SGMS1: variants seen among roughly 807,000 people sequenced by gnomAD.
The protein encoded by SGMS1 is phosphatidylcholine:ceramide cholinephosphotransferase 1.
In SGMS1, 13 loss-of-function variants were observed where a neutral mutation model predicts 46.2. The observed-to-expected ratio is 0.28, with a 90% CI of 0.18 to 0.45. The LOEUF (loss-of-function observed/expected upper bound fraction) is 0.45, where lower values mean the gene tolerates loss of function less well. Ranked by LOEUF, SGMS1 falls within the 20% of genes least tolerant of loss-of-function variation. The pLI is 1.00. For missense variants in SGMS1, 324 were observed against 519.9 expected, an observed-to-expected ratio of 0.62 and a Z score of 3.66; for synonymous variants, 203 against 187.8, an observed-to-expected ratio of 1.08 and a Z score of -0.66.
At chr10:50,555,182 A>G (rs1229126304) in intron 2 of SGMS1, among the ~76,000 whole-genome samples, 1 of 152,256 alleles carries the variant, frequency 6.6e-6, no homozygotes, top group Non-Finnish European at 1.5e-5. Context: ...AGACAAAATT[A>G]TCTTGGAACA....
intron 2 of SGMS1, among the ~76,000 whole-genome samples, chr10:50,554,467 T>C (rs1588875431): frequency 2.0e-5 from 3 of 152,252 alleles, no homozygotes; most frequent in Non-Finnish European, 4.4e-5. Flanking sequence ...CAAATGTCAA[T>C]GGAGCCAGGC....
chr10:50,575,046 C>T (rs984343966), intron 2 of SGMS1, among the ~76,000 whole-genome samples: 35 of 143,780 alleles, frequency 2.4e-4, no homozygotes, highest in African/African-American at 7.0e-4. Context: ...ACAACATAGA[C>T]GTGGAAGACG....
intron 3 of SGMS1, among the ~76,000 whole-genome samples, chr10:50,480,710 C>T (rs1335613914): frequency 6.6e-6 from 1 of 152,158 alleles, no homozygotes; most frequent in Non-Finnish European, 1.5e-5. Flanking sequence ...CTTTCAGTGG[C>T]CTCTTGGTTT....
intron 6 of SGMS1, among the ~76,000 whole-genome samples, chr10:50,371,297 C>A (rs1848432721): frequency 6.6e-6 from 1 of 152,156 alleles, no homozygotes; most frequent in African/African-American, 2.4e-5. Flanking sequence ...CCATTGTAAC[C>A]ACCATGGTTC....
At chr10:50,472,444 T>C (rs1048899517) in intron 3 of SGMS1, among the ~76,000 whole-genome samples, 2 of 152,196 alleles carry the variant, frequency 1.3e-5, no homozygotes, top group African/African-American at 4.8e-5. Context: ...GATCATGCAG[T>C]AACATAATGT....
chr10:50,515,331 T>C (rs1837791588), intron 3 of SGMS1, among the ~76,000 whole-genome samples: 1 of 152,186 alleles, frequency 6.6e-6, no homozygotes, highest in Admixed American at 6.5e-5. Context: ...GACAGCACTC[T>C]TGGGCTGTGT....
intron 8 of SGMS1, among the ~76,000 whole-genome samples, chr10:50,321,277 A>G (rs1218768515): frequency 6.6e-6 from 1 of 152,242 alleles, no homozygotes; most frequent in Non-Finnish European, 1.5e-5. Context: ...TGCATACATA[A>G]GGAACTAATA....
At chr10:50,510,727 A>G (rs1024979609) in intron 3 of SGMS1, among the ~76,000 whole-genome samples, 4 of 152,074 alleles carry the variant, frequency 2.6e-5, no homozygotes, top group Non-Finnish European at 4.4e-5. Context: ...CGTAATAACT[A>G]TACAATTATC....
chr10:50,399,561 AG>A (rs1463192604), intron 6 of SGMS1, among the ~76,000 whole-genome samples: 6 of 152,238 alleles, frequency 3.9e-5, no homozygotes, highest in Non-Finnish European at 7.3e-5. Context: ...AGTGAGAAAA[AG>A]TGCTTAGCAG....
chr10:50,497,111 G>C (rs1185251887), intron 3 of SGMS1, among the ~76,000 whole-genome samples: 4 of 152,134 alleles, frequency 2.6e-5, no homozygotes, highest in African/African-American at 9.7e-5. Context: ...CAGAAGGCTC[G>C]ATGCAAACCT....
chr10:50,498,374 T>C (rs1837634101), intron 3 of SGMS1, among the ~76,000 whole-genome samples: 2 of 152,254 alleles, frequency 1.3e-5, no homozygotes, highest in Non-Finnish European at 2.9e-5. Context: ...TATAGTTTTA[T>C]GGCTTTAAGT....
At chr10:50,476,739 A>G (rs1000577940) in intron 3 of SGMS1, among the ~76,000 whole-genome samples, 4 of 152,184 alleles carry the variant, frequency 2.6e-5, no homozygotes, top group Non-Finnish European at 5.9e-5. Flanking sequence ...AGCTCTAGCC[A>G]TGACTAAAAA....
intron 2 of SGMS1, among the ~76,000 whole-genome samples, chr10:50,528,534 C>T (rs904887786): frequency 6.6e-6 from 1 of 152,176 alleles, no homozygotes; most frequent in African/African-American, 2.4e-5. Context: ...ATTTCCTTGG[C>T]ACCAATCAGA....
chr10:50,424,768 CGGGCATAGT>C (rs912089311), intron 6 of SGMS1, among the ~76,000 whole-genome samples: 1 of 152,008 alleles, frequency 6.6e-6, no homozygotes, highest in African/African-American at 2.4e-5. Context: ...CAAAATTAGT[CGGGCATAGT>C]GGCACATGCC....
chr10:50,599,480 T>A (rs906584930), intron 1 of SGMS1, among the ~76,000 whole-genome samples: 2 of 151,882 alleles, frequency 1.3e-5, no homozygotes, highest in Non-Finnish European at 2.9e-5. Context: ...CCTTTTTTTT[T>A]ACTTGTCCTA....
At chr10:50,473,197 G>A (rs1330375184) in intron 3 of SGMS1, among the ~76,000 whole-genome samples, 2 of 152,112 alleles carry the variant, frequency 1.3e-5, no homozygotes, top group African/African-American at 2.4e-5. Context: ...TGTAGTCCAA[G>A]CAGCCTCTGT....
intron 6 of SGMS1, among the ~76,000 whole-genome samples, chr10:50,362,157 C>T (rs1227889976): frequency 6.6e-6 from 1 of 152,086 alleles, no homozygotes; most frequent in Non-Finnish European, 1.5e-5. Context: ...CCCAGTGATG[C>T]GTATCTCCTT....
At chr10:50,332,257 C>T (rs577693037) in intron 7 of SGMS1, among the ~76,000 whole-genome samples, 27 of 152,278 alleles carry the variant, frequency 1.8e-4, no homozygotes, top group African/African-American at 6.3e-4. Flanking sequence ...GTCCCTCCTG[C>T]CTTGAGTAGG....
chr10:50,520,959 C>G (rs1483429365), intron 2 of SGMS1, among the ~76,000 whole-genome samples: 1 of 151,354 alleles, frequency 6.6e-6, no homozygotes, highest in East Asian at 1.9e-4. Flanking sequence ...AATCATGGCT[C>G]ACTGCAGCCC....
Sources: allele counts gnomAD v4.1 joint callset (sites outside exome capture counted in the v4.1 genomes callset), GRCh38; gene constraint gnomAD v4.1.1; transcripts MANE v1.5; gene names NCBI Gene and HGNC (gene_info 2026-07-23, HGNC 2026-07-21).